The following PLXNA1 variants were observed in gnomAD, a reference collection of about 807,000 sequenced individuals.
The protein encoded by PLXNA1 is plexin A1, also known as plexin-A1.
A neutral mutation model predicts 191.7 loss-of-function variants in PLXNA1; 77 were observed. That is an observed-to-expected ratio of 0.40 (90% CI 0.33 to 0.49). PLXNA1 has a LOEUF of 0.49. PLXNA1 is among the 20% of genes least tolerant of loss of function. The probability of loss-of-function intolerance (pLI) is 0.63; values close to 1 mark genes in which losing one functional copy is unlikely to be tolerated. For missense variants in PLXNA1, 2,110 were observed against 2,660.2 expected, an observed-to-expected ratio of 0.79 and a Z score of 4.55; for synonymous variants, 1,137 against 1,156.4, an observed-to-expected ratio of 0.98 and a Z score of 0.34.
Position 127,034,100 on chromosome 3 carries a change from A to G in PLXNA1, c.*83A>G. The G allele has an allele frequency of 7.8e-7, 1 of 1,286,344 alleles. No individual in the cohort carries two copies. Among genetic ancestry groups the G allele is most frequent in the Non-Finnish European group, 1.1e-6 (1 of 924,452 alleles). The allele number at this position is 1,286,344 out of a possible 1,614,324, so 79.7% of individuals were successfully genotyped here. ...GACAGCCCTCACCGCATGCGTGTGGAGTGTCCGGTGGTGCTCGGGCCGCCG... is the reference window on the plus strand; with the variant it reads ...GACAGCCCTCACCGCATGCGTGTGGGGTGTCCGGTGGTGCTCGGGCCGCCG... On this transcript the variant is annotated 3_prime_UTR_variant, in exon 32 of 32. Transcript: ENST00000393409.
rs371509882 is a variant in PLXNA1 at position 127,003,420 on chromosome 3, C to A, written c.1468C>A (p.Leu490Ile). Residue 490 changes from leucine (L) to isoleucine (I), a missense_variant, in exon 4 of 32, where the codon CTC becomes ATC. By Grantham distance (5) the Leu-to-Ile change is conservative. Around this residue, in one of 4 missense-constraint regions of PLXNA1, gnomAD observed 903 missense variants for 1,015.7 expected, o/e 0.89. Transcript: ENST00000393409. The part of the protein sequence containing the change: ...AQEGSPILRD[L>I]VLSPNHQYLY... Reference sequence around the variant, plus strand: ...GGAGGGCAGCCCCATCCTGCGAGACCTCGTCCTCAGCCCCAACCACCAGTA... The same window carrying A: ...GGAGGGCAGCCCCATCCTGCGAGACATCGTCCTCAGCCCCAACCACCAGTA... The A allele has an allele frequency of 3.7e-6, 6 of 1,612,282 alleles. No individual in the cohort carries two copies. Among genetic ancestry groups the A allele is most frequent in the Non-Finnish European group, 5.1e-6 (6 of 1,179,656 alleles).
intron 3 of PLXNA1, among the ~76,000 whole-genome samples, chr3:126,999,955 CA>C (rs1217676682): frequency 3.3e-5 from 5 of 152,066 alleles, no homozygotes; most frequent in African/African-American, 1.2e-4. Flanking sequence ...ACAGGTACCC[CA>C]GGGTTAGATG....
intron 9 of PLXNA1, 110 bp from the exon 10 acceptor site, chr3:127,011,848 G>C: frequency 3.9e-6 from 4 of 1,030,586 alleles, no homozygotes; most frequent in Non-Finnish European, 5.9e-6. Context: ...TGGGCACATT[G>C]GTGCTTGGCT....
At chr3:127,003,584 C>T in intron 4 of PLXNA1, 114 bp downstream of exon 4, 1 of 1,252,778 alleles carries the variant, frequency 8.0e-7, no homozygotes, top group Non-Finnish European at 1.1e-6. Context: ...GTCCATGGCT[C>T]CTGGTAAAAG....
rs2079240790 is a variant in PLXNA1, at chr3:127,035,948, C to T, written c.*1931C>T. On this transcript the variant is annotated 3_prime_UTR_variant, in exon 32 of 32. Transcript: ENST00000393409. Reference sequence around the variant, plus strand: ...TGGGGCCTTCTGCTGCTGCCACACCCAGCTCAGGCCTGGGCCAGCCCCTGC... The same window carrying T: ...TGGGGCCTTCTGCTGCTGCCACACCTAGCTCAGGCCTGGGCCAGCCCCTGC... 1 of 152,614 alleles carries T rather than the reference C, an allele frequency of 6.6e-6. No homozygotes were observed. The highest frequency in any genetic ancestry group is 1.5e-5 in the Non-Finnish European group (1 of 68,104). 9.5% of individuals were successfully genotyped at this position (152,614 alleles called of 1,614,324 possible). A position where few individuals can be genotyped will look rare whatever the true frequency, so the allele number is the denominator to read the frequency against.
At position 127,032,556 on chromosome 3, in the gene PLXNA1, C is replaced by T; in HGVS notation, c.5401C>T (p.Leu1801Phe). 6.2e-7 allele frequency: 1 copy of T among 1,614,060 alleles called. No individual in the cohort carries two copies. The highest frequency in any genetic ancestry group is 8.5e-7 in the Non-Finnish European group (1 of 1,180,018). The change falls in exon 30 of 32, where the codon CTC becomes TTC. Residue 1801 changes from leucine to phenylalanine, a missense_variant. Leu to Phe is a conservative substitution (Grantham distance 22). Transcript: ENST00000393409. ...CAAGGACTCACCCTCCAACAAGCTG[C>T]TCTACGCCAAGGACATCCCCAACTA... ...LGKDSPSNKL[L>F]YAKDIPNYKS...
At chr3:127,012,527 T>C (rs2079101215) in intron 10 of PLXNA1, among the ~76,000 whole-genome samples, 1 of 152,216 alleles carries the variant, frequency 6.6e-6, no homozygotes, top group Non-Finnish European at 1.5e-5. Context: ...TGTGCAGGAA[T>C]AGCCAGGTGG....
chr3:126,997,233 G>A (rs556235474), intron 3 of PLXNA1, among the ~76,000 whole-genome samples: 77 of 152,376 alleles, frequency 5.1e-4, no homozygotes, highest in African/African-American at 1.8e-3. Flanking sequence ...GCATGGCTGT[G>A]TGTGGATTCC....
rs778789235 is a variant in PLXNA1 at position 127,027,663 on chromosome 3, G to T, written c.4363-277G>T. 54 of 592,528 alleles carry T rather than the reference G, an allele frequency of 9.1e-5. 1 individual carries two copies. The East Asian group carries it at 1.3e-3, about 14-fold the overall frequency. The allele number at this position is 592,528 out of a possible 1,614,324, so 36.7% of individuals were successfully genotyped here. The stretch of plus-strand genomic sequence containing the variant: ...CCCTGATGCAGGTCCCGCGTGCCAC[G>T]CCATGTTCCTCGATACACTACTGCG... On this transcript the variant is annotated intron_variant, in intron 23 of 31. Coordinates refer to ENST00000393409, the MANE Select transcript of PLXNA1 (RefSeq NM_032242.4).
Position 127,016,662 on chromosome 3 carries a change from G to A in PLXNA1, c.3160G>A (p.Asp1054Asn), listed in dbSNP as rs1162492330. Residue 1054 changes from aspartate to asparagine, a missense_variant, in exon 16 of 32, where the codon GAC (aspartate) becomes AAC (asparagine). Asp to Asn is a conservative substitution (Grantham distance 23). This residue lies in a region of PLXNA1 where 644 missense variants were observed against 714.3 expected (regional missense o/e 0.90). Coordinates refer to ENST00000393409, the MANE Select transcript of PLXNA1 (RefSeq NM_032242.4). ...YTEDPTILRI[D>N]PEWSINSGGT... ...CGAGGACCCCACCATCCTGAGGATC[G>A]ACCCCGAGTGGAGCATCAACAGGTG... 1.9e-6 allele frequency: 3 copies of A among 1,613,982 alleles called. No homozygotes were observed. The highest frequency in any genetic ancestry group is 1.3e-5 in the African/African-American group (1 of 75,054).
chr3:127,018,471 C>T lies in PLXNA1; in HGVS notation c.3838C>T (p.Arg1280Trp), dbSNP rs777713141. Residue 1280 changes from arginine (R) to tryptophan (W), a missense_variant, in exon 20 of 32, where the codon CGG becomes TGG. By Grantham distance (101) the Arg-to-Trp change is moderately radical. Transcript: ENST00000393409. The stretch of plus-strand genomic sequence containing the variant: ...ACGAGATGCTGACCGCACACTCAAG[C>T]GGCTGCAGCTCCAGATGGACAACCT... The part of the protein sequence containing the change: ...KSRDADRTLK[R>W]LQLQMDNLES... 1.5e-5 allele frequency: 24 copies of T among 1,612,624 alleles called. No homozygotes were observed. The highest frequency in any genetic ancestry group is 1.8e-5 in the Non-Finnish European group (21 of 1,179,758).
At chr3:127,008,676 G>A (rs1265815214) in intron 9 of PLXNA1, among the ~76,000 whole-genome samples, 1 of 152,172 alleles carries the variant, frequency 6.6e-6, no homozygotes, top group Non-Finnish European at 1.5e-5. Flanking sequence ...GTTGGCTGGA[G>A]GGGGCAGGTT....
At chr3:127,003,910 C>T (rs553925788) in intron 4 of PLXNA1, among the ~76,000 whole-genome samples, 1 of 152,346 alleles carries the variant, frequency 6.6e-6, no homozygotes, top group South Asian at 2.1e-4. Context: ...CCTGGTCTAC[C>T]CAACCTGGTG....
At chr3:127,001,760 C>T (rs996915391) in intron 3 of PLXNA1, among the ~76,000 whole-genome samples, 4 of 152,192 alleles carry the variant, frequency 2.6e-5, no homozygotes, top group Non-Finnish European at 5.9e-5. Flanking sequence ...CACCCTGGGT[C>T]CCCCTGCTCC....
At chr3:127,028,132 C>A (rs1449220837) in intron 24 of PLXNA1, 46 bp downstream of exon 24, 3 of 1,613,234 alleles carry the variant, frequency 1.9e-6, no homozygotes, top group Non-Finnish European at 8.5e-7. Flanking sequence ...TGCCCCCCAC[C>A]CCCCAGTTGT....
At chr3:126,985,302 C>A (rs923011232) in intron 1 of PLXNA1, among the ~76,000 whole-genome samples, 5 of 152,068 alleles carry the variant, frequency 3.3e-5, no homozygotes, top group East Asian at 1.9e-4. Flanking sequence ...ACGCAGACCG[C>A]GGGGTCTCTC....
chr3:127,004,285 C>T (rs973861336), intron 4 of PLXNA1, among the ~76,000 whole-genome samples: 1 of 152,206 alleles, frequency 6.6e-6, no homozygotes, highest in Non-Finnish European at 1.5e-5. Flanking sequence ...CTGCCAAGCC[C>T]ATTGATCGCT....
intron 31 of PLXNA1, among the ~76,000 whole-genome samples, chr3:127,033,187 C>A (rs1307934781): frequency 6.6e-6 from 1 of 152,222 alleles, no homozygotes; most frequent in Non-Finnish European, 1.5e-5. Context: ...CAGGGCTGGG[C>A]ATAGGCTCTT....
At chr3:126,999,889 A>G (rs2079031541) in intron 3 of PLXNA1, among the ~76,000 whole-genome samples, 1 of 152,020 alleles carries the variant, frequency 6.6e-6, no homozygotes, top group African/African-American at 2.4e-5. Flanking sequence ...AGGCCTCGGG[A>G]CTGCACTTCG....
Sources: gnomAD v4.1 joint callset for allele counts (sites outside exome capture counted in the v4.1 genomes callset) on GRCh38, gnomAD v4.1.1 for gene constraint, gnomAD v4.1.1 regional missense constraint, MANE v1.5 for transcripts, NCBI Gene and HGNC (gene_info 2026-07-23, HGNC 2026-07-21) for gene names.